The following RGS6 variants were observed in gnomAD, a reference collection of about 807,000 sequenced individuals.
RGS6 encodes the protein regulator of G-protein signaling 6.
In RGS6, 30 loss-of-function variants were observed where a neutral mutation model predicts 78.5. The observed-to-expected ratio is 0.38, with a 90% CI of 0.29 to 0.52. The LOEUF is 0.52. RGS6 is among the 20% of genes least tolerant of loss of function. The probability of loss-of-function intolerance (pLI) is 0.85; values close to 1 mark genes in which losing one functional copy is unlikely to be tolerated. For synonymous variants in RGS6, 206 were observed against 206.0 expected (o/e 1.00, Z 0.00); for missense variants, 495 against 609.7 (o/e 0.81, Z 1.98).
At chr14:71,936,715 A>G (rs1413761740) in intron 1 of RGS6, among the ~76,000 whole-genome samples, 2 of 152,130 alleles carry the variant, frequency 1.3e-5, no homozygotes, top group African/African-American at 4.8e-5. Context: ...AAGTCAATAA[A>G]TCTTATGTCA....
chr14:72,197,928 T>C (rs2040574122), intron 2 of RGS6, among the ~76,000 whole-genome samples: 1 of 151,962 alleles, frequency 6.6e-6, no homozygotes, highest in African/African-American at 2.4e-5. Flanking sequence ...GCAACTTTTA[T>C]TAATATAGAT....
intron 2 of RGS6, among the ~76,000 whole-genome samples, chr14:72,313,813 G>A (rs847358): frequency 0.47 from 70,726 of 151,994 alleles, 16,546 homozygotes; most frequent in South Asian, 0.57. Context: ...GGAAAATGAA[G>A]GTATTAGAAG....
chr14:72,384,060 G>A (rs1218921779), intron 3 of RGS6, among the ~76,000 whole-genome samples: 5 of 152,160 alleles, frequency 3.3e-5, no homozygotes, highest in Non-Finnish European at 7.3e-5. Context: ...GGGACTGCCA[G>A]CACACTCAGT....
chr14:71,904,851 AC>A, the RGS6 span, among the ~76,000 whole-genome samples: 1 of 61,000 alleles, frequency 1.6e-5, no homozygotes, highest in East Asian at 3.0e-4. Context: ...TTTGGCTTTT[AC>A]CCCTGGGCTT....
chr14:72,258,432 A>G (rs1237570096), intron 2 of RGS6, among the ~76,000 whole-genome samples: 1 of 152,220 alleles, frequency 6.6e-6, no homozygotes, highest in Non-Finnish European at 1.5e-5. Flanking sequence ...GAGGGGCCTC[A>G]TTCCTAAAGT....
the RGS6 span, among the ~76,000 whole-genome samples, chr14:71,876,473 CTTTTTTTTTTTTTTTTTTTTTTTTT>C: frequency 5.5e-5 from 4 of 72,470 alleles, no homozygotes; most frequent in African/African-American, 1.8e-4. Context: ...GCAACCGCTG[CTTTTTTTTTTTTTTTTTTTTTTTTT>C]TTTTTTTTTT....
intron 2 of RGS6, among the ~76,000 whole-genome samples, chr14:72,203,119 C>T (rs182062901): frequency 6.6e-6 from 1 of 152,236 alleles, no homozygotes; most frequent in East Asian, 1.9e-4. Flanking sequence ...TCATGATCTG[C>T]CCGCCTCGGC....
At chr14:72,243,881 G>C (rs529289443) in intron 2 of RGS6, among the ~76,000 whole-genome samples, 4 of 152,186 alleles carry the variant, frequency 2.6e-5, no homozygotes, top group African/African-American at 9.6e-5. Flanking sequence ...AGTTCACTCT[G>C]TAGAGAAATA....
intron 1 of RGS6, among the ~76,000 whole-genome samples, chr14:71,955,763 C>T (rs889624689): frequency 6.6e-6 from 1 of 152,258 alleles, no homozygotes; most frequent in Admixed American, 6.5e-5. Flanking sequence ...CTTATGCCGA[C>T]CTCCAGTCTC....
At chr14:72,250,241 A>G (rs1349135264) in intron 2 of RGS6, among the ~76,000 whole-genome samples, 1 of 120,328 alleles carries the variant, frequency 8.3e-6, no homozygotes, top group Admixed American at 8.0e-5. Context: ...AAACTATAAT[A>G]AAAAAAAAAA....
chr14:72,335,957 C>T (rs1278387116), intron 2 of RGS6, among the ~76,000 whole-genome samples: 2 of 152,108 alleles, frequency 1.3e-5, no homozygotes, highest in Non-Finnish European at 2.9e-5. Context: ...AGTCTAGTGC[C>T]GGAAGGGAAC....
chr14:72,134,713 G>A (rs1372824955), intron 2 of RGS6, among the ~76,000 whole-genome samples: 1 of 152,212 alleles, frequency 6.6e-6, no homozygotes, highest in Non-Finnish European at 1.5e-5. Flanking sequence ...AGAGCTGGTG[G>A]TTTAACTCAG....
the RGS6 span, among the ~76,000 whole-genome samples, chr14:72,624,660 A>G: frequency 7.2e-5 from 11 of 152,190 alleles, no homozygotes; most frequent in African/African-American, 2.4e-4. Context: ...TCTCTTTACC[A>G]GGGATCCAAT....
intron 2 of RGS6, among the ~76,000 whole-genome samples, chr14:72,122,469 G>C (rs549411060): frequency 6.6e-6 from 1 of 152,238 alleles, no homozygotes; most frequent in East Asian, 1.9e-4. Context: ...GTATGTTTTG[G>C]AGCCAGATTC....
the RGS6 span, among the ~76,000 whole-genome samples, chr14:72,591,149 C>T: frequency 6.6e-6 from 1 of 152,258 alleles, no homozygotes; most frequent in South Asian, 2.1e-4. Context: ...TTATACTCAT[C>T]CTTTTTTCCA....
chr14:71,880,181 C>T, the RGS6 span, among the ~76,000 whole-genome samples: 1 of 152,170 alleles, frequency 6.6e-6, no homozygotes, highest in Non-Finnish European at 1.5e-5. Context: ...GCAGAAATTT[C>T]TAAGCAGCAC....
At chr14:72,046,389 C>T (rs1298064681) in intron 2 of RGS6, among the ~76,000 whole-genome samples, 1 of 152,040 alleles carries the variant, frequency 6.6e-6, no homozygotes, top group Admixed American at 6.6e-5. Context: ...AAAATTAATT[C>T]TCTAATTATA....
At chr14:71,984,312 A>AC (rs1353966993) in intron 2 of RGS6, among the ~76,000 whole-genome samples, 6 of 111,174 alleles carry the variant, frequency 5.4e-5, no homozygotes, top group Admixed American at 2.7e-4. Flanking sequence ...AAAAAAAAAA[A>AC]AAAAAAAAAA....
chr14:72,530,656 A>C (rs2097170944), intron 15 of RGS6, among the ~76,000 whole-genome samples: 1 of 152,192 alleles, frequency 6.6e-6, no homozygotes, highest in East Asian at 1.9e-4. Context: ...ACACCACTGC[A>C]CTCCAGCCTG....
Sources: gnomAD v4.1 joint callset for allele counts (sites outside exome capture counted in the v4.1 genomes callset) on GRCh38, gnomAD v4.1.1 for gene constraint, MANE v1.5 for transcripts, NCBI Gene and HGNC (gene_info 2026-07-23, HGNC 2026-07-21) for gene names.